Variants in ART3 observed in about 807,000 individuals in gnomAD.
ART3 encodes ecto-ADP-ribosyltransferase 3.
ART3 carries 49 observed loss-of-function variants against 48.5 expected under a neutral mutation model. The observed-to-expected ratio is 1.01, with a 90% CI of 0.80 to 1.28. ART3 has a LOEUF of 1.28. ART3 is among the 50% of genes most tolerant of loss of function. The probability of loss-of-function intolerance (pLI) is 0.00; values close to 1 mark genes in which losing one functional copy is unlikely to be tolerated. For missense variants in ART3, 438 were observed against 454.3 expected (o/e 0.96, Z 0.33); for synonymous variants, 145 against 157.2 (o/e 0.92, Z 0.58).
chr4:76,023,475 T>C (rs1464858060), intron 1 of ART3: 1 of 1,548,296 alleles, frequency 6.5e-7, no homozygotes, highest in African/African-American at 1.4e-5. Flanking sequence ...TCAGAATATG[T>C]CTAAGCAATT....
At chr4:76,050,123 A>T (rs1306715397) in intron 1 of ART3, among the ~76,000 whole-genome samples, 1 of 152,044 alleles carries the variant, frequency 6.6e-6, no homozygotes, top group African/African-American at 2.4e-5. Context: ...GTGTGGACCC[A>T]AAGAGTGAGC....
intron 1 of ART3, among the ~76,000 whole-genome samples, chr4:76,040,695 C>G (rs186925634): frequency 6.6e-6 from 1 of 152,212 alleles, no homozygotes; most frequent in African/African-American, 2.4e-5. Context: ...CTATCCCTCC[C>G]CCATGTAGAC....
Position 76,034,909 on chromosome 4 carries a change from C to A in ART3, c.-10+23589C>A, listed in dbSNP as rs1167806081. The A allele has an allele frequency of 9.7e-6, 13 of 1,346,686 alleles. No homozygotes were observed. In the African/African-American group the frequency reaches 1.2e-4, roughly 12 times the overall value. The allele number at this position is 1,346,686 out of a possible 1,614,324, so 83.4% of individuals were successfully genotyped here. ...ATGTAGTAAGAAGGGGAAGCTGTTA[C>A]AACCAAGGACCCCTTAACAGAATAT... is the stretch of plus-strand genomic sequence containing the variant. On this transcript the variant is annotated intron_variant, in intron 1 of 9. Coordinates refer to the ART3 transcript ENST00000341029.
intron 1 of ART3, among the ~76,000 whole-genome samples, chr4:76,042,442 C>T (rs1377188092): frequency 6.6e-6 from 1 of 152,088 alleles, no homozygotes; most frequent in South Asian, 2.1e-4. Flanking sequence ...TGACTCACTC[C>T]TAGGGAAGAG....
At chr4:76,088,459 G>A (rs1173588654) in intron 3 of ART3, among the ~76,000 whole-genome samples, 1 of 152,042 alleles carries the variant, frequency 6.6e-6, no homozygotes, top group East Asian at 1.9e-4. Flanking sequence ...AGAGTTTACT[G>A]AGACCTGTTG....
At chr4:76,026,298 T>C (rs1733377979) in intron 1 of ART3, among the ~76,000 whole-genome samples, 1 of 152,112 alleles carries the variant, frequency 6.6e-6, no homozygotes, top group Admixed American at 6.6e-5. Context: ...GTTCATTCAT[T>C]TTTTTTAATT....
rs542912670 is a variant in ART3 at position 76,050,614 on chromosome 4, G to T, written c.-9-25267G>T. ...TTCACGCAGTGGATCCCGCACCAGG[G>T]CTGCAGGTGGAGCTGCCTGCCAGTC... On this transcript the variant is annotated intron_variant, in intron 1 of 9. Transcript: ENST00000341029. 1.8e-4 allele frequency among the ~76,000 whole-genome samples: 28 copies of T among 152,350 alleles called. No homozygotes were observed. In the South Asian group the frequency reaches 5.6e-3, roughly 30 times the overall value.
chr4:76,098,794 T>C (rs1371295224), intron 4 of ART3, among the ~76,000 whole-genome samples, 161 bp from the exon 5 acceptor site: 1 of 152,190 alleles, frequency 6.6e-6, no homozygotes, highest in Non-Finnish European at 1.5e-5. Context: ...TCCATTTGTC[T>C]TTGAATTGAA....
intron 2 of ART3, among the ~76,000 whole-genome samples, chr4:76,079,867 ATC>A (rs1229029784): frequency 3.3e-5 from 5 of 151,006 alleles, no homozygotes; most frequent in Admixed American, 1.3e-4. Context: ...ACAAGTTAGT[ATC>A]TCTGTCTCTC....
At chr4:76,021,942 T>C in intron 1 of ART3, 1 of 1,611,398 alleles carries the variant, frequency 6.2e-7, no homozygotes, top group East Asian at 2.2e-5. Flanking sequence ...AAGGAGATCT[T>C]TTAGACCTGT....
At chr4:76,045,315 G>A (rs576168206) in intron 1 of ART3, among the ~76,000 whole-genome samples, 11 of 152,114 alleles carry the variant, frequency 7.2e-5, no homozygotes, top group Admixed American at 5.2e-4. Context: ...TGAGGGCCAC[G>A]CACGTGCATA....
chr4:76,068,304 T>G (rs1187019624), intron 1 of ART3, among the ~76,000 whole-genome samples: 2 of 152,228 alleles, frequency 1.3e-5, no homozygotes, highest in Non-Finnish European at 2.9e-5. Flanking sequence ...TGTTCCCTCA[T>G]GCCCATATTG....
intron 11 of ART3, among the ~76,000 whole-genome samples, chr4:76,111,272 T>A (rs931161661): frequency 1.3e-5 from 2 of 152,110 alleles, no homozygotes. Flanking sequence ...AAACCTTGAA[T>A]AACACCATAG....
intron 3 of ART3, among the ~76,000 whole-genome samples, chr4:76,085,362 G>A (rs1723334432): frequency 6.6e-6 from 1 of 152,338 alleles, no homozygotes; most frequent in East Asian, 1.9e-4. Flanking sequence ...TGATGTCTGG[G>A]TAGGGACAGA....
At position 76,035,934 on chromosome 4, in the gene ART3, A is replaced by G. The variant is rs747081305; in HGVS notation, c.-10+24614A>G. The G allele has an allele frequency of 1.9e-6, 3 of 1,613,372 alleles. No homozygotes were observed. The Admixed American group carries it at 5.0e-5, about 27-fold the overall frequency. ...ATAAAAATTACTGCATACCTTGAAC[A>G]ACTGTAGCACACAATATCACAGCCA... On this transcript the variant is annotated intron_variant, in intron 1 of 9. Coordinates refer to the ART3 transcript ENST00000341029.
At chr4:76,018,261 A>G (rs769922424) in intron 1 of ART3, among the ~76,000 whole-genome samples, 1 of 152,236 alleles carries the variant, frequency 6.6e-6, no homozygotes, top group Non-Finnish European at 1.5e-5. Flanking sequence ...AATACTAAAA[A>G]AGAACAAAAT....
chr4:76,074,582 A>G (rs972309982), upstream of ART3: 1 of 152,248 alleles, frequency 6.6e-6, no homozygotes, highest in African/African-American at 2.4e-5. Flanking sequence ...TAAAGTGTTA[A>G]CAGCAGTGAT....
intron 3 of ART3, among the ~76,000 whole-genome samples, chr4:76,086,679 A>G (rs1447508115): frequency 1.3e-5 from 2 of 152,234 alleles, no homozygotes; most frequent in African/African-American, 2.4e-5. Flanking sequence ...TACTATCCAT[A>G]TGTATTTCAT....
At chr4:76,060,090 G>C (rs7656736) in intron 1 of ART3, among the ~76,000 whole-genome samples, 1 of 152,098 alleles carries the variant, frequency 6.6e-6, no homozygotes, top group Non-Finnish European at 1.5e-5. Context: ...CTTGCATGGA[G>C]TCAGGTCTTA....
Sources: allele counts gnomAD v4.1 joint callset (sites outside exome capture counted in the v4.1 genomes callset), GRCh38; gene constraint gnomAD v4.1.1; transcripts MANE v1.5; gene names NCBI Gene and HGNC (gene_info 2026-07-23, HGNC 2026-07-21).